Variants in BMPR1B observed in about 807,000 individuals in gnomAD.
The protein encoded by BMPR1B is bone morphogenetic protein receptor type-1B.
Under a neutral mutation model 59.1 loss-of-function variants are expected in BMPR1B, and 12 were observed. The observed-to-expected ratio is 0.20, with a 90% CI of 0.13 to 0.33. The LOEUF is 0.33. BMPR1B is among the 10% of genes least tolerant of loss of function. The pLI is 1.00. For synonymous variants in BMPR1B, 237 were observed against 207.3 expected (o/e 1.14, Z -1.23); for missense variants, 550 against 610.9 (o/e 0.90, Z 1.05).
chr4:94,912,012 G>A (rs1484519510), intron 2 of BMPR1B, among the ~76,000 whole-genome samples: 1 of 152,132 alleles, frequency 6.6e-6, no homozygotes, highest in Non-Finnish European at 1.5e-5. Context: ...GTGGCTAGGG[G>A]AGCCTCACAA....
At chr4:95,083,312 A>G (rs767353158) in intron 3 of BMPR1B, among the ~76,000 whole-genome samples, 1 of 152,138 alleles carries the variant, frequency 6.6e-6, no homozygotes, top group Non-Finnish European at 1.5e-5. Context: ...AAAGATGCCA[A>G]TGATAACAAA....
intron 3 of BMPR1B, among the ~76,000 whole-genome samples, chr4:95,005,795 T>C (rs1355531357): frequency 9.2e-5 from 14 of 152,198 alleles, no homozygotes; most frequent in African/African-American, 3.4e-4. Context: ...TCTTTTTGTG[T>C]GTGTGCATTT....
chr4:94,840,706 G>C (rs1259880877), intron 1 of BMPR1B, among the ~76,000 whole-genome samples: 5 of 147,450 alleles, frequency 3.4e-5, no homozygotes, highest in Non-Finnish European at 6.0e-5. Context: ...TCTTTGGTTT[G>C]AATGTCCTCC....
intron 3 of BMPR1B, among the ~76,000 whole-genome samples, chr4:95,062,673 T>C (rs1727489314): frequency 6.6e-6 from 1 of 152,196 alleles, no homozygotes; most frequent in South Asian, 2.1e-4. Context: ...ATTTATTTCT[T>C]AATGCTAAAA....
chr4:94,765,443 A>G (rs754628909), intron 1 of BMPR1B, among the ~76,000 whole-genome samples: 9 of 152,196 alleles, frequency 5.9e-5, no homozygotes, highest in South Asian at 4.1e-4. Flanking sequence ...CCTGCTCGTT[A>G]TATTTCGTAG....
intron 6 of BMPR1B, among the ~76,000 whole-genome samples, chr4:95,121,275 A>G (rs1228853543): frequency 6.6e-6 from 1 of 152,258 alleles, no homozygotes; most frequent in African/African-American, 2.4e-5. Flanking sequence ...GAAAGAAATC[A>G]GAGACAACAC....
intron 1 of BMPR1B, among the ~76,000 whole-genome samples, chr4:94,803,832 A>ATTTC (rs1424109255): frequency 6.6e-6 from 1 of 151,848 alleles, no homozygotes; most frequent in African/African-American, 2.4e-5. Context: ...ATTTGGGGAA[A>ATTTC]GGTCGTGTGC....
chr4:95,059,187 A>G (rs1433206617), intron 3 of BMPR1B, among the ~76,000 whole-genome samples: 1 of 152,208 alleles, frequency 6.6e-6, no homozygotes, highest in Non-Finnish European at 1.5e-5. Flanking sequence ...GAAAACAACA[A>G]CAATAATCAC....
chr4:95,083,336 GAC>G (rs1729318804), intron 3 of BMPR1B, among the ~76,000 whole-genome samples: 1 of 151,968 alleles, frequency 6.6e-6, no homozygotes, highest in African/African-American at 2.4e-5. Flanking sequence ...AGATTATAAA[GAC>G]ACAGAAAGAT....
At chr4:94,977,077 G>C (rs1030484480) in intron 2 of BMPR1B, among the ~76,000 whole-genome samples, 2 of 152,032 alleles carry the variant, frequency 1.3e-5, no homozygotes, top group African/African-American at 4.8e-5. Flanking sequence ...AAAATTTTGA[G>C]GGTGTCTTAT....
intron 2 of BMPR1B, among the ~76,000 whole-genome samples, chr4:94,993,760 C>CAAAAAAAAAAAAAAAAAAAAAAAAAA (rs34395946): frequency 1.5e-5 from 1 of 68,590 alleles, no homozygotes; most frequent in Non-Finnish European, 2.8e-5. Context: ...GACTCCATCT[C>CAAAAAAAAAAAAAAAAAAAAAAAAAA]AAAAAAAAAA....
At chr4:94,847,185 G>T (rs1040315044) in intron 1 of BMPR1B, among the ~76,000 whole-genome samples, 1 of 152,176 alleles carries the variant, frequency 6.6e-6, no homozygotes, top group Non-Finnish European at 1.5e-5. Flanking sequence ...ATAAAAAGGT[G>T]CTAGACATCA....
intron 2 of BMPR1B, among the ~76,000 whole-genome samples, chr4:94,922,267 G>A (rs1305930005): frequency 6.6e-6 from 1 of 152,050 alleles, no homozygotes; most frequent in African/African-American, 2.4e-5. Context: ...GAGTCATTGT[G>A]CCTGGCCTAG....
At chr4:95,065,986 C>T (rs1383112087) in intron 3 of BMPR1B, among the ~76,000 whole-genome samples, 2 of 152,224 alleles carry the variant, frequency 1.3e-5, no homozygotes, top group African/African-American at 2.4e-5. Flanking sequence ...AAAAACTTAG[C>T]GCAGTAGCCC....
At chr4:94,933,734 A>G (rs1033048752) in intron 2 of BMPR1B, among the ~76,000 whole-genome samples, 6 of 152,084 alleles carry the variant, frequency 3.9e-5, no homozygotes, top group Non-Finnish European at 7.4e-5. Context: ...CCTGTTATTC[A>G]TTTCTCATTA....
intron 2 of BMPR1B, among the ~76,000 whole-genome samples, chr4:94,887,324 A>T (rs1159485325): frequency 2.6e-5 from 4 of 151,208 alleles, no homozygotes; most frequent in Non-Finnish European, 5.9e-5. Flanking sequence ...AAATCATACA[A>T]ATCTATTGAA....
intron 2 of BMPR1B, among the ~76,000 whole-genome samples, chr4:94,952,969 ATAGT>A (rs774827472): frequency 3.4e-4 from 52 of 152,248 alleles, no homozygotes; most frequent in Non-Finnish European, 4.3e-4. Flanking sequence ...TATATTTAAG[ATAGT>A]TAGCGCTTCT....
chr4:95,154,205 G>T, intron 12 of BMPR1B, among the ~76,000 whole-genome samples: 1 of 152,216 alleles, frequency 6.6e-6, no homozygotes, highest in Admixed American at 6.5e-5. Context: ...TATGGAATTA[G>T]ATAAAAGATT....
At chr4:95,005,811 A>G (rs534840492) in intron 3 of BMPR1B, among the ~76,000 whole-genome samples, 1 of 152,314 alleles carries the variant, frequency 6.6e-6, no homozygotes, top group East Asian at 1.9e-4. Flanking sequence ...CATTTTGAAG[A>G]AAATCTTTCC....
Sources: gnomAD v4.1 joint callset for allele counts (sites outside exome capture counted in the v4.1 genomes callset) on GRCh38, gnomAD v4.1.1 for gene constraint, MANE v1.5 for transcripts, NCBI Gene and HGNC (gene_info 2026-07-23, HGNC 2026-07-21) for gene names.